The following DOK5 variants were observed in gnomAD, a reference collection of about 807,000 sequenced individuals.
DOK5 encodes docking protein 5.
Under a neutral mutation model 43.3 loss-of-function variants are expected in DOK5, and 27 were observed. The observed-to-expected ratio is 0.62, with a 90% CI of 0.46 to 0.86. The LOEUF (loss-of-function observed/expected upper bound fraction) is 0.86. Among genes scored for constraint, DOK5 ranks in the 40% least tolerant of loss-of-function variants. DOK5 has a pLI of 0.00. For missense variants in DOK5, 373 were observed against 392.9 expected, an observed-to-expected ratio of 0.95 and a Z score of 0.43; for synonymous variants, 146 against 140.1, an observed-to-expected ratio of 1.04 and a Z score of -0.30.
rs752005105 is a variant in DOK5, at chr20:54,588,616, TG to T, written c.289+25del. ...GAATCAGGTTTGTCTCAGGCAGGGC[TG>T]GGGGGCTTTTGCTTTTAGATTCTGA... On this transcript the variant is annotated intron_variant, in intron 3 of 7. Coordinates refer to ENST00000262593, the MANE Select transcript of DOK5 (RefSeq NM_018431.5). 1.2e-5 allele frequency: 19 copies of T among 1,614,112 alleles called. No homozygotes were observed. The highest frequency in any genetic ancestry group is 3.3e-4 in the Middle Eastern group (2 of 6,062).
chr20:54,650,531 C>G lies in DOK5; in HGVS notation c.*52C>G. 6.4e-7 allele frequency: 1 copy of G among 1,556,898 alleles called. No homozygotes were observed. The highest frequency in any genetic ancestry group is 1.1e-5 in the South Asian group (1 of 88,720). ...ACTTGTGATGTGTCAGCCACAGATTCACCCAGGAGGTCACAGAATGACAGC... is the reference window on the plus strand; with the variant it reads ...ACTTGTGATGTGTCAGCCACAGATTGACCCAGGAGGTCACAGAATGACAGC... On this transcript the variant is annotated 3_prime_UTR_variant, in exon 8 of 8. Coordinates refer to ENST00000262593, the MANE Select transcript of DOK5 (RefSeq NM_018431.5).
At chr20:54,604,309 T>A (rs1476423930) in intron 5 of DOK5, among the ~76,000 whole-genome samples, 2 of 152,060 alleles carry the variant, frequency 1.3e-5, no homozygotes, top group African/African-American at 4.8e-5. Context: ...GTGCTTTTTT[T>A]TTTTTTACTT....
At chr20:54,643,623 G>A in intron 7 of DOK5, 45 bp downstream of exon 7, 3 of 1,581,762 alleles carry the variant, frequency 1.9e-6, no homozygotes, top group Admixed American at 1.7e-5. Flanking sequence ...CCAGGCCTGG[G>A]AGTACTGGGG....
intron 5 of DOK5, among the ~76,000 whole-genome samples, chr20:54,604,243 G>A (rs540149714): frequency 1.3e-5 from 2 of 151,820 alleles, no homozygotes; most frequent in South Asian, 4.2e-4. Context: ...ACCGCGCCCC[G>A]GCCTCAAACT....
chr20:54,551,603 A>G (rs903269378), intron 1 of DOK5, among the ~76,000 whole-genome samples: 7 of 151,982 alleles, frequency 4.6e-5, no homozygotes, highest in Non-Finnish European at 1.0e-4. Context: ...TAAGTCGACG[A>G]TTTTTCCACC....
intron 2 of DOK5, among the ~76,000 whole-genome samples, chr20:54,570,206 G>A (rs1194442341): frequency 6.6e-6 from 1 of 152,090 alleles, no homozygotes; most frequent in African/African-American, 2.4e-5. Flanking sequence ...GTATTTTAGA[G>A]TACTCTGCCA....
intron 1 of DOK5, among the ~76,000 whole-genome samples, chr20:54,510,395 T>G (rs550403139): frequency 6.6e-6 from 1 of 152,264 alleles, no homozygotes; most frequent in African/African-American, 2.4e-5. Context: ...AGTTTTTAGC[T>G]TTTTATTAGA....
At chr20:54,570,814 C>T (rs1165607216) in intron 2 of DOK5, among the ~76,000 whole-genome samples, 1 of 152,136 alleles carries the variant, frequency 6.6e-6, no homozygotes, top group African/African-American at 2.4e-5. Context: ...GAAGAAATTT[C>T]AACAGTTTCC....
At chr20:54,614,900 C>G (rs990688852) in intron 6 of DOK5, among the ~76,000 whole-genome samples, 6 of 152,224 alleles carry the variant, frequency 3.9e-5, no homozygotes, top group African/African-American at 1.4e-4. Flanking sequence ...CTGGCTCACC[C>G]TGCCTCGGTT....
At chr20:54,647,505 C>T (rs1322910917) in intron 7 of DOK5, among the ~76,000 whole-genome samples, 3 of 135,964 alleles carry the variant, frequency 2.2e-5, no homozygotes, top group Non-Finnish European at 4.6e-5. Flanking sequence ...AACTCTGTCT[C>T]AGTTAAAAAA....
intron 5 of DOK5, among the ~76,000 whole-genome samples, chr20:54,601,547 T>A (rs1461425431): frequency 1.3e-5 from 2 of 152,278 alleles, no homozygotes; most frequent in Non-Finnish European, 2.9e-5. Context: ...TTCTGTTTGT[T>A]GGTTGGTTTT....
intron 2 of DOK5, among the ~76,000 whole-genome samples, chr20:54,565,879 G>A (rs889469590): frequency 1.3e-5 from 2 of 151,900 alleles, no homozygotes; most frequent in Non-Finnish European, 1.5e-5. Flanking sequence ...TTAGCCGGGC[G>A]TGGTGGTGTG....
rs73913626 is a variant in DOK5 at position 54,605,804 on chromosome 20, C to T, written c.600-4584C>T. On this transcript the variant is annotated intron_variant, in intron 5 of 7. Coordinates refer to ENST00000262593, the MANE Select transcript of DOK5 (RefSeq NM_018431.5). ...AGCTGCGAGTATATCAGAACAAAAT[C>T]CCCGTCTACAGGGAGCTTACATTCT... Among the ~76,000 whole-genome samples the T allele has an allele frequency of 9.3e-3, 1,417 of 152,352 alleles. 20 individuals are homozygous for T. The highest frequency in any genetic ancestry group is 0.033 in the African/African-American group (1,358 of 41,578).
intron 6 of DOK5, among the ~76,000 whole-genome samples, chr20:54,618,023 A>G (rs1406421626): frequency 6.6e-6 from 1 of 152,096 alleles, no homozygotes; most frequent in African/African-American, 2.4e-5. Flanking sequence ...AGAACCTACT[A>G]TGTTCTGTTT....
chr20:54,629,745 C>T (rs532830122), intron 6 of DOK5, among the ~76,000 whole-genome samples: 1 of 152,218 alleles, frequency 6.6e-6, no homozygotes, highest in East Asian at 1.9e-4. Context: ...ATGAAGAAGA[C>T]AACAGTGTAA....
At chr20:54,624,778 C>G (rs528965610) in intron 6 of DOK5, among the ~76,000 whole-genome samples, 1 of 152,330 alleles carries the variant, frequency 6.6e-6, no homozygotes, top group Non-Finnish European at 1.5e-5. Context: ...AAATCACTTT[C>G]ATTCCCCATG....
At chr20:54,644,811 T>C (rs1415855011) in intron 7 of DOK5, among the ~76,000 whole-genome samples, 5 of 150,970 alleles carry the variant, frequency 3.3e-5, no homozygotes, top group Non-Finnish European at 5.9e-5. Flanking sequence ...GTGGTTGCAG[T>C]GAGCCAGAAT....
intron 1 of DOK5, among the ~76,000 whole-genome samples, chr20:54,553,991 T>A (rs6098084): frequency 0.012 from 1,759 of 152,160 alleles, 41 homozygotes; most frequent in African/African-American, 0.041. Flanking sequence ...TTTCATATGC[T>A]CATTAGCTCT....
chr20:54,596,949 AAG>A (rs2146777387), intron 5 of DOK5, among the ~76,000 whole-genome samples: 1 of 152,218 alleles, frequency 6.6e-6, no homozygotes, highest in Non-Finnish European at 1.5e-5. Flanking sequence ...ATCTCAGTAA[AAG>A]AGAGATATAT....
Sources: gnomAD v4.1 joint callset for allele counts (sites outside exome capture counted in the v4.1 genomes callset) on GRCh38, gnomAD v4.1.1 for gene constraint, MANE v1.5 for transcripts, NCBI Gene and HGNC (gene_info 2026-07-23, HGNC 2026-07-21) for gene names.